The following GPR158 variants were observed in gnomAD, a reference collection of about 807,000 sequenced individuals.
GPR158 encodes the protein metabotropic glycine receptor.
GPR158 carries 30 observed loss-of-function variants against 78.2 expected under a neutral mutation model. That is an observed-to-expected ratio of 0.38 (90% CI 0.29 to 0.52). The LOEUF (loss-of-function observed/expected upper bound fraction) is 0.52. GPR158 is among the 20% of genes least tolerant of loss of function. GPR158 has a pLI of 0.83. For missense variants in GPR158, 1,463 were observed against 1,523.5 expected, an observed-to-expected ratio of 0.96 and a Z score of 0.66; for synonymous variants, 581 against 591.1, an observed-to-expected ratio of 0.98 and a Z score of 0.25.
chr10:25,599,365 C>A lies in GPR158; in HGVS notation c.*91C>A. 1 of 1,028,470 alleles carries A rather than the reference C, an allele frequency of 9.7e-7. No homozygotes were observed. The highest frequency in any genetic ancestry group is 1.4e-6 in the Non-Finnish European group (1 of 708,622). 63.7% of individuals were successfully genotyped at this position (1,028,470 alleles called of 1,614,324 possible). A position where few individuals can be genotyped will look rare whatever the true frequency, so the allele number is the denominator to read the frequency against. ...TCAAATATTCCCAAGGAGGATTTGT[C>A]AATCAAGGAAAACATGACAGATGGT... On this transcript the variant is annotated 3_prime_UTR_variant, in exon 11 of 11. Coordinates refer to ENST00000376351, the MANE Select transcript of GPR158 (RefSeq NM_020752.3).
At chr10:25,201,532 T>C (rs1852929408) in intron 1 of GPR158, among the ~76,000 whole-genome samples, 1 of 152,166 alleles carries the variant, frequency 6.6e-6, no homozygotes, top group Non-Finnish European at 1.5e-5. Flanking sequence ...ATTCTAGTAC[T>C]ATGTTGAATA....
At chr10:25,319,253 G>T (rs1325336867) in intron 2 of GPR158, among the ~76,000 whole-genome samples, 1 of 152,104 alleles carries the variant, frequency 6.6e-6, no homozygotes, top group Admixed American at 6.5e-5. Context: ...TTACCTCCCA[G>T]TGTCCATCCT....
At chr10:25,395,809 G>A (rs1267295596) in intron 2 of GPR158, 102 bp from the exon 3 acceptor site, 22 of 537,106 alleles carry the variant, frequency 4.1e-5, no homozygotes, top group Middle Eastern at 2.8e-4. Context: ...TCTGGAAAAT[G>A]TGTTAGTTTT....
At chr10:25,579,815 T>C (rs1389877309) in intron 7 of GPR158, among the ~76,000 whole-genome samples, 1 of 150,896 alleles carries the variant, frequency 6.6e-6, no homozygotes, top group African/African-American at 2.4e-5. Flanking sequence ...AATAAATCTA[T>C]TTTACTGCCC....
At chr10:25,259,154 A>C (rs1564404576) in intron 2 of GPR158, among the ~76,000 whole-genome samples, 1 of 152,188 alleles carries the variant, frequency 6.6e-6, no homozygotes, top group Admixed American at 6.6e-5. Flanking sequence ...GAAAATCCAC[A>C]TATAAGCAGT....
intron 4 of GPR158, among the ~76,000 whole-genome samples, chr10:25,434,421 A>T (rs1390340454): frequency 6.6e-6 from 1 of 152,210 alleles, no homozygotes; most frequent in African/African-American, 2.4e-5. Flanking sequence ...TTATAAATAT[A>T]CCAAATTGCT....
intron 7 of GPR158, among the ~76,000 whole-genome samples, chr10:25,575,333 T>G (rs1024525338): frequency 3.3e-5 from 5 of 152,058 alleles, no homozygotes; most frequent in Admixed American, 6.6e-5. Flanking sequence ...TGTATTTTGG[T>G]TTTTTTGTTT....
At chr10:25,434,016 G>A (rs1044543025) in intron 4 of GPR158, among the ~76,000 whole-genome samples, 5 of 152,018 alleles carry the variant, frequency 3.3e-5, no homozygotes, top group Admixed American at 2.6e-4. Flanking sequence ...AAAATTAGCC[G>A]TGCATGGTGA....
chr10:25,395,575 CT>C (rs1352443318), intron 2 of GPR158, among the ~76,000 whole-genome samples: 1 of 152,110 alleles, frequency 6.6e-6, no homozygotes. Context: ...TTGAAATACT[CT>C]TATAGGCTTT....
chr10:25,409,825 A>T lies in GPR158; in HGVS notation c.1112-2425A>T, dbSNP rs560344507. 6.6e-5 allele frequency among the ~76,000 whole-genome samples: 10 copies of T among 152,294 alleles called. No homozygotes were observed. The South Asian group carries it at 1.9e-3, about 28-fold the overall frequency. On this transcript the variant is annotated intron_variant, in intron 3 of 10. Transcript: ENST00000376351. ...AAAACAAAAAACAAAATCGCTTTTT[A>T]AAAATATCATAATTATTCCTATCAA...
intron 1 of GPR158, among the ~76,000 whole-genome samples, chr10:25,216,273 T>C (rs1853212505): frequency 6.6e-6 from 1 of 152,254 alleles, no homozygotes; most frequent in Admixed American, 6.5e-5. Context: ...AGCTTCTACC[T>C]TGATATCCCA....
intron 2 of GPR158, among the ~76,000 whole-genome samples, chr10:25,338,343 A>G (rs1246576570): frequency 6.7e-6 from 1 of 148,378 alleles, no homozygotes; most frequent in East Asian, 2.0e-4. Flanking sequence ...GTGTTTTGCC[A>G]AGCAGCTTTC....
intron 1 of GPR158, among the ~76,000 whole-genome samples, chr10:25,204,505 A>G (rs1248937370): frequency 1.3e-5 from 2 of 152,098 alleles, no homozygotes; most frequent in Non-Finnish European, 2.9e-5. Flanking sequence ...GCATCTATTG[A>G]GATAATTATG....
chr10:25,531,949 C>T (rs1382482815), intron 5 of GPR158, among the ~76,000 whole-genome samples: 1 of 152,102 alleles, frequency 6.6e-6, no homozygotes, highest in Non-Finnish European at 1.5e-5. Context: ...CTCTGCTCCT[C>T]TAGAAATAGA....
intron 2 of GPR158, among the ~76,000 whole-genome samples, chr10:25,268,174 GA>G (rs1289914116): frequency 6.6e-6 from 1 of 151,982 alleles, no homozygotes; most frequent in East Asian, 1.9e-4. Context: ...AAAATCAAAT[GA>G]ATACTCAATA....
In GPR158 at chr10:25,597,786, A is replaced by C; in HGVS notation, c.2160A>C (p.Lys720Asn). The C allele has an allele frequency of 6.7e-7, 1 of 1,500,664 alleles. No homozygotes were observed. Among genetic ancestry groups the C allele is most frequent in the East Asian group, 2.3e-5 (1 of 43,724 alleles). The allele number at this position is 1,500,664 out of a possible 1,614,324, so 93.0% of individuals were successfully genotyped here. Residue 720 changes from lysine (K) to asparagine (N), a missense_variant, in exon 11 of 11, where the codon AAA becomes AAC. Coordinates refer to ENST00000376351, the MANE Select transcript of GPR158 (RefSeq NM_020752.3). ...TGTTCTGGCAGGACGAGCTGAAAAAACTCTATGCCCAACTGGAAATATATA... is the reference window on the plus strand; with the variant it reads ...TGTTCTGGCAGGACGAGCTGAAAAACCTCTATGCCCAACTGGAAATATATA... ...DPEDIRDELKKLYAQLEIYKR... is the reference protein window; with the variant it reads ...DPEDIRDELKNLYAQLEIYKR...
At chr10:25,210,396 T>A (rs1487581724) in intron 1 of GPR158, among the ~76,000 whole-genome samples, 1 of 152,198 alleles carries the variant, frequency 6.6e-6, no homozygotes, top group African/African-American at 2.4e-5. Flanking sequence ...AAAGCAGGAT[T>A]TCTGAGTCAT....
At chr10:25,193,011 T>G (rs1316444099) in intron 1 of GPR158, among the ~76,000 whole-genome samples, 1 of 152,200 alleles carries the variant, frequency 6.6e-6, no homozygotes, top group Admixed American at 6.5e-5. Context: ...TTAGATGTAT[T>G]AAATACATTT....
At chr10:25,306,077 C>G (rs185256755) in intron 2 of GPR158, among the ~76,000 whole-genome samples, 2 of 152,102 alleles carry the variant, frequency 1.3e-5, no homozygotes, top group African/African-American at 4.8e-5. Flanking sequence ...ATTTAGTGTA[C>G]AGTTGTTGGC....
Sources: gnomAD v4.1 joint callset for allele counts (sites outside exome capture counted in the v4.1 genomes callset) on GRCh38, gnomAD v4.1.1 for gene constraint, MANE v1.5 for transcripts, NCBI Gene and HGNC (gene_info 2026-07-23, HGNC 2026-07-21) for gene names.